The following KHDRBS2 variants were observed in gnomAD, a reference collection of about 807,000 sequenced individuals.
KHDRBS2 encodes KH domain-containing, RNA-binding, signal transduction-associated protein 2.
In KHDRBS2, 26 loss-of-function variants were observed where a neutral mutation model predicts 44.3. The observed-to-expected ratio is 0.59, with a 90% CI of 0.43 to 0.81. The LOEUF (loss-of-function observed/expected upper bound fraction) is 0.81, where lower values mean the gene tolerates loss of function less well. KHDRBS2 is among the 40% of genes least tolerant of loss of function. The pLI is 0.00. For missense variants in KHDRBS2, 476 were observed against 433.1 expected (o/e 1.10, Z -0.88); for synonymous variants, 194 against 151.1 (o/e 1.28, Z -2.08).
chr6:62,091,022 A>C (rs571236496), intron 2 of KHDRBS2, among the ~76,000 whole-genome samples: 1 of 152,330 alleles, frequency 6.6e-6, no homozygotes, highest in East Asian at 1.9e-4. Context: ...GTAATTGGGA[A>C]TGTCAGGGCC....
intron 2 of KHDRBS2, among the ~76,000 whole-genome samples, chr6:62,123,638 G>A (rs368184938): frequency 1.3e-5 from 2 of 152,284 alleles, no homozygotes; most frequent in African/African-American, 4.8e-5. Flanking sequence ...ACACCACTCA[G>A]CAAACTACAT....
At chr6:62,158,751 C>T (rs758773226) in intron 2 of KHDRBS2, among the ~76,000 whole-genome samples, 27 of 152,100 alleles carry the variant, frequency 1.8e-4, no homozygotes, top group Non-Finnish European at 1.8e-4. Flanking sequence ...CTCAACACTA[C>T]ATTCTAAACA....
intron 7 of KHDRBS2, among the ~76,000 whole-genome samples, chr6:61,713,876 C>T (rs967953202): frequency 8.6e-5 from 13 of 151,768 alleles, no homozygotes; most frequent in African/African-American, 3.1e-4. Flanking sequence ...TATCTTTTAC[C>T]ATGTACTAAA....
At chr6:62,221,381 T>C (rs1192376064) in intron 1 of KHDRBS2, among the ~76,000 whole-genome samples, 4 of 152,034 alleles carry the variant, frequency 2.6e-5, no homozygotes, top group African/African-American at 9.7e-5. Context: ...CCTAGAAATA[T>C]AATGTACCAC....
chr6:61,919,732 C>A (rs1482659484), intron 4 of KHDRBS2, among the ~76,000 whole-genome samples: 10 of 150,858 alleles, frequency 6.6e-5, no homozygotes, highest in South Asian at 2.1e-4. Context: ...ACAACAACAA[C>A]AAAAAAAAAC....
At chr6:62,048,096 TGAGAA>T (rs1038188679) in intron 2 of KHDRBS2, 102 bp from the exon 3 acceptor site, 3 of 675,834 alleles carry the variant, frequency 4.4e-6, no homozygotes, top group Admixed American at 2.0e-5. Context: ...ACTTTACCAC[TGAGAA>T]GAGAGTCATG....
intron 7 of KHDRBS2, among the ~76,000 whole-genome samples, chr6:61,716,672 G>A (rs747140370): frequency 3.2e-4 from 48 of 151,984 alleles, no homozygotes; most frequent in Non-Finnish European, 6.9e-4. Context: ...ACTCCTTATT[G>A]CATACTTTGA....
intron 4 of KHDRBS2, among the ~76,000 whole-genome samples, chr6:61,954,989 CATAT>C (rs144454493): frequency 6.1e-5 from 8 of 131,340 alleles, no homozygotes; most frequent in African/African-American, 2.0e-4. Context: ...TATGTGTATA[CATAT>C]ATAGACATAC....
At chr6:61,992,414 G>C (rs193126418) in intron 3 of KHDRBS2, among the ~76,000 whole-genome samples, 1 of 152,212 alleles carries the variant, frequency 6.6e-6, no homozygotes, top group Admixed American at 6.5e-5. Context: ...AATATATTTA[G>C]CTAGACTCCA....
At chr6:61,957,713 C>T (rs925338449) in intron 4 of KHDRBS2, among the ~76,000 whole-genome samples, 5 of 152,124 alleles carry the variant, frequency 3.3e-5, no homozygotes, top group Non-Finnish European at 5.9e-5. Context: ...AATTTTGCCC[C>T]AGTCCTATGG....
intron 6 of KHDRBS2, among the ~76,000 whole-genome samples, chr6:61,784,202 A>C (rs1243863113): frequency 6.6e-6 from 1 of 151,740 alleles, no homozygotes; most frequent in African/African-American, 2.4e-5. Flanking sequence ...ATTCCTAAAA[A>C]TTTTTAGTAT....
At chr6:62,063,519 A>T (rs913464077) in intron 2 of KHDRBS2, among the ~76,000 whole-genome samples, 1 of 151,686 alleles carries the variant, frequency 6.6e-6, no homozygotes, top group East Asian at 2.0e-4. Flanking sequence ...ACAGAGCCAC[A>T]GACAAAAACC....
the KHDRBS2 span, among the ~76,000 whole-genome samples, chr6:61,554,869 T>C: frequency 6.6e-6 from 1 of 152,304 alleles, no homozygotes; most frequent in Middle Eastern, 3.4e-3. Flanking sequence ...ATTTCTGCTG[T>C]AAGGCCCACT....
chr6:61,662,652 C>A, the KHDRBS2 span, among the ~76,000 whole-genome samples: 3 of 151,938 alleles, frequency 2.0e-5, no homozygotes, highest in South Asian at 6.2e-4. Context: ...TGAAAAAATG[C>A]TCATCATCAC....
chr6:61,715,011 T>C (rs1771150010), intron 7 of KHDRBS2, among the ~76,000 whole-genome samples: 1 of 151,732 alleles, frequency 6.6e-6, no homozygotes, highest in African/African-American at 2.4e-5. Context: ...ATAGAAGAAA[T>C]TACAACTATG....
chr6:62,077,331 G>A (rs1168316385), intron 2 of KHDRBS2, among the ~76,000 whole-genome samples: 1 of 151,960 alleles, frequency 6.6e-6, no homozygotes, highest in Non-Finnish European at 1.5e-5. Flanking sequence ...GGCCTTATGG[G>A]GATGGGAGGG....
the KHDRBS2 span, among the ~76,000 whole-genome samples, chr6:61,670,226 T>C: frequency 2.0e-5 from 3 of 151,348 alleles, no homozygotes; most frequent in African/African-American, 7.3e-5. Flanking sequence ...TCCCATTAAT[T>C]CTGTCAAATC....
Position 62,075,312 on chromosome 6 carries a change from A to T in KHDRBS2, c.220-27318T>A, listed in dbSNP as rs75943381. On this transcript the variant is annotated intron_variant, in intron 2 of 8. Transcript: ENST00000281156. Reference sequence around the variant, plus strand: ...CACCATGTGAGGACACAGAAAGAAAATGCCATTTATGAAGCAGAGAGCAAG... The same window carrying T: ...CACCATGTGAGGACACAGAAAGAAATTGCCATTTATGAAGCAGAGAGCAAG... 9.2e-3 allele frequency among the ~76,000 whole-genome samples: 1,399 copies of T among 152,000 alleles called. 6 individuals carry two copies. Among genetic ancestry groups the T allele is most frequent in the South Asian group, 0.019 (90 of 4,826 alleles).
intron 1 of KHDRBS2, among the ~76,000 whole-genome samples, chr6:62,268,392 C>T (rs1839542518): frequency 6.6e-6 from 1 of 152,016 alleles, no homozygotes; most frequent in Admixed American, 6.6e-5. Flanking sequence ...AGCCACCAGT[C>T]ACTTATGCTG....
Sources: gnomAD v4.1 joint callset for allele counts (sites outside exome capture counted in the v4.1 genomes callset) on GRCh38, gnomAD v4.1.1 for gene constraint, MANE v1.5 for transcripts, NCBI Gene and HGNC (gene_info 2026-07-23, HGNC 2026-07-21) for gene names.